Variants in CSMD2 observed in about 807,000 individuals in gnomAD.
CSMD2 encodes CUB and Sushi multiple domains 2, also known as CUB and sushi domain-containing protein 2.
CSMD2 carries 130 observed loss-of-function variants against 398.5 expected under a neutral mutation model. The ratio of observed to expected loss-of-function variants is 0.33; its 90% CI spans 0.28 to 0.38. The LOEUF is 0.38. CSMD2 is among the 10% of genes least tolerant of loss of function. The pLI is 1.00. For missense variants in CSMD2, 3,829 were observed against 4,764.9 expected, an observed-to-expected ratio of 0.80 and a Z score of 5.78; for synonymous variants, 1,828 against 1,908.5, an observed-to-expected ratio of 0.96 and a Z score of 1.10.
chr1:33,588,067 A>C (rs774213416), intron 44 of CSMD2, among the ~76,000 whole-genome samples: 2 of 152,364 alleles, frequency 1.3e-5, no homozygotes, highest in East Asian at 1.9e-4. Flanking sequence ...CCTCTCAGAG[A>C]TAACGACTGT....
chr1:33,523,446 C>G (rs898010985), intron 66 of CSMD2, 27 bp from the exon 67 acceptor site: 1 of 1,066,652 alleles, frequency 9.4e-7, no homozygotes, highest in Non-Finnish European at 1.4e-6. Flanking sequence ...AGGTGTTACA[C>G]ATGAAAGATA....
At chr1:33,826,974 C>T (rs987199127) in intron 6 of CSMD2, among the ~76,000 whole-genome samples, 4 of 152,210 alleles carry the variant, frequency 2.6e-5, no homozygotes, top group Non-Finnish European at 5.9e-5. Context: ...AAGTTCTTTA[C>T]TTAAATCAGC....
chr1:33,543,235 T>C (rs1656535141), intron 57 of CSMD2, among the ~76,000 whole-genome samples: 2 of 152,252 alleles, frequency 1.3e-5, no homozygotes, highest in Non-Finnish European at 2.9e-5. Flanking sequence ...TAACAGTTGA[T>C]TTGTTTGAAT....
chr1:33,663,626 A>C (rs536470612), intron 25 of CSMD2, among the ~76,000 whole-genome samples: 20 of 152,274 alleles, frequency 1.3e-4, no homozygotes, highest in African/African-American at 4.3e-4. Flanking sequence ...GATATTAGCT[A>C]TATGTAGGCC....
At chr1:33,670,481 T>A (rs950219753) in intron 25 of CSMD2, among the ~76,000 whole-genome samples, 1 of 152,220 alleles carries the variant, frequency 6.6e-6, no homozygotes, top group Non-Finnish European at 1.5e-5. Context: ...AGGAGGATAC[T>A]TCCTATTTCT....
At chr1:33,685,111 C>T (rs923744888) in intron 25 of CSMD2, among the ~76,000 whole-genome samples, 2 of 152,328 alleles carry the variant, frequency 1.3e-5, no homozygotes, top group South Asian at 2.1e-4. Flanking sequence ...GAGAGAGCTC[C>T]GTGCCCTTTC....
intron 6 of CSMD2, among the ~76,000 whole-genome samples, chr1:33,833,744 T>C (rs1362796901): frequency 6.6e-6 from 1 of 152,046 alleles, no homozygotes; most frequent in Non-Finnish European, 1.5e-5. Context: ...ATTGTATATC[T>C]AGAAAACCCC....
At chr1:33,938,151 C>G (rs930104989) in intron 3 of CSMD2, among the ~76,000 whole-genome samples, 2 of 152,228 alleles carry the variant, frequency 1.3e-5, no homozygotes, top group African/African-American at 4.8e-5. Context: ...TCTTCCTTGC[C>G]CATTCTTTAC....
intron 25 of CSMD2, among the ~76,000 whole-genome samples, chr1:33,676,568 T>C (rs375847294): frequency 6.6e-6 from 1 of 152,116 alleles, no homozygotes; most frequent in Non-Finnish European, 1.5e-5. Context: ...CCATCCCCAT[T>C]AAGCTACCAA....
chr1:33,652,577 AC>A, intron 27 of CSMD2, 116 bp from the exon 28 acceptor site: 1 of 1,230,260 alleles, frequency 8.1e-7, no homozygotes, highest in Non-Finnish European at 1.1e-6. Context: ...CTGAAGTTGA[AC>A]CTGGCTTAGG....
chr1:33,583,501 T>G, intron 47 of CSMD2, 141 bp downstream of exon 47: 1 of 804,286 alleles, frequency 1.2e-6, no homozygotes, highest in Middle Eastern at 2.6e-4. Flanking sequence ...CCCATGGCCT[T>G]GGGGTTGCTG....
chr1:34,105,956 T>C (rs1660485107), intron 1 of CSMD2, among the ~76,000 whole-genome samples: 1 of 152,184 alleles, frequency 6.6e-6, no homozygotes, highest in Non-Finnish European at 1.5e-5. Context: ...AATAATGCAA[T>C]TGTCCTCATC....
intron 1 of CSMD2, among the ~76,000 whole-genome samples, chr1:34,117,175 A>T (rs1442225987): frequency 6.6e-6 from 1 of 152,094 alleles, no homozygotes; most frequent in African/African-American, 2.4e-5. Context: ...AATTTTTAAA[A>T]TGGGGAAAAA....
At chr1:33,590,858 T>TTAAGCAGCAGTTGGC (rs1639392407) in intron 44 of CSMD2, among the ~76,000 whole-genome samples, 1 of 152,178 alleles carries the variant, frequency 6.6e-6, no homozygotes, top group African/African-American at 2.4e-5. Flanking sequence ...TTTATTAATG[T>TTAAGCAGCAGTTGGC]TAAGCAGCAG....
At chr1:33,792,004 C>A (rs1654375570) in intron 11 of CSMD2, among the ~76,000 whole-genome samples, 1 of 152,170 alleles carries the variant, frequency 6.6e-6, no homozygotes, top group Admixed American at 6.5e-5. Context: ...TCCCAGGGAG[C>A]TCTGAGCATG....
intron 6 of CSMD2, chr1:33,840,199 G>A (rs555496382): frequency 2.0e-4 from 31 of 152,278 alleles, no homozygotes; most frequent in Admixed American, 1.4e-3. Flanking sequence ...CACTAACTTC[G>A]GTGAATTCAG....
At chr1:34,074,373 A>C (rs1049247494) in intron 2 of CSMD2, among the ~76,000 whole-genome samples, 3 of 152,202 alleles carry the variant, frequency 2.0e-5, no homozygotes, top group Non-Finnish European at 4.4e-5. Context: ...CAGGGCATAC[A>C]GGGTCCCTGG....
intron 32 of CSMD2, among the ~76,000 whole-genome samples, chr1:33,632,776 A>T (rs1419536975): frequency 1.3e-5 from 2 of 152,228 alleles, no homozygotes; most frequent in East Asian, 3.8e-4. Flanking sequence ...GTATATAAAG[A>T]TGTATGTACA....
At chr1:33,960,936 C>T (rs1645337333) in intron 3 of CSMD2, among the ~76,000 whole-genome samples, 1 of 152,220 alleles carries the variant, frequency 6.6e-6, no homozygotes, top group Admixed American at 6.5e-5. Context: ...GCCACATCTC[C>T]CATCCTTTTC....
Sources: gnomAD v4.1 joint callset for allele counts (sites outside exome capture counted in the v4.1 genomes callset) on GRCh38, gnomAD v4.1.1 for gene constraint, MANE v1.5 for transcripts, NCBI Gene and HGNC (gene_info 2026-07-23, HGNC 2026-07-21) for gene names.